MAPK9: variants seen among roughly 807,000 people sequenced by gnomAD.
MAPK9 encodes the protein mitogen-activated protein kinase 9.
MAPK9 carries 30 observed loss-of-function variants against 57.1 expected under a neutral mutation model. The ratio of observed to expected loss-of-function variants is 0.53; its 90% CI spans 0.39 to 0.71. The LOEUF (loss-of-function observed/expected upper bound fraction) is 0.71, where lower values mean the gene tolerates loss of function less well. Among genes scored for constraint, MAPK9 ranks in the 30% least tolerant of loss-of-function variants. The pLI is 0.00. For synonymous variants in MAPK9, 155 were observed against 177.0 expected (o/e 0.88, Z 0.99); for missense variants, 362 against 521.0 (o/e 0.69, Z 2.97).
At chr5:180,280,906 T>G (rs1253261035) in intron 1 of MAPK9, among the ~76,000 whole-genome samples, 1 of 152,150 alleles carries the variant, frequency 6.6e-6, no homozygotes, top group African/African-American at 2.4e-5. Context: ...ATGAAAAGAC[T>G]ACATCACTCT....
intron 2 of MAPK9, among the ~76,000 whole-genome samples, chr5:180,271,909 T>C (rs1008498400): frequency 6.6e-6 from 1 of 152,254 alleles, no homozygotes; most frequent in African/African-American, 2.4e-5. Context: ...TAATAGATTT[T>C]ATTACATTCT....
chr5:180,288,674 G>A (rs758544865), intron 1 of MAPK9, among the ~76,000 whole-genome samples: 1 of 152,104 alleles, frequency 6.6e-6, no homozygotes, highest in African/African-American at 2.4e-5. Flanking sequence ...CCACTGCTCC[G>A]AGCTACCCTA....
At chr5:180,255,137 A>C (rs1372345663) in intron 5 of MAPK9, among the ~76,000 whole-genome samples, 1 of 151,608 alleles carries the variant, frequency 6.6e-6, no homozygotes, top group Non-Finnish European at 1.5e-5. Flanking sequence ...TGTAACTAAG[A>C]ATTCTACACA....
At chr5:180,291,388 G>A (rs1334959561) in intron 1 of MAPK9, among the ~76,000 whole-genome samples, 1 of 152,216 alleles carries the variant, frequency 6.6e-6, no homozygotes, top group African/African-American at 2.4e-5. Flanking sequence ...TTCCACAGAT[G>A]CACACCGGGG....
rs186819966 is a variant in MAPK9, at chr5:180,288,317, G to A, written c.-48+3531C>T. Among the ~76,000 whole-genome samples the A allele has an allele frequency of 2.3e-3, 347 of 152,230 alleles. 1 individual carries two copies. The Middle Eastern group carries it at 0.027, about 12-fold the overall frequency. ...ACCAAGAAAACAAAGAAATAGGAGG[G>A]GGATCTATGGATTAAGAGAAACTTA... On this transcript the variant is annotated intron_variant, in intron 1 of 11. Transcript: ENST00000452135.
At chr5:180,278,957 C>CTT (rs751873959) in intron 2 of MAPK9, among the ~76,000 whole-genome samples, 74 of 139,884 alleles carry the variant, frequency 5.3e-4, no homozygotes, top group African/African-American at 1.1e-3. Flanking sequence ...AACTTTAAAA[C>CTT]TTTTTTTTTT....
At chr5:180,239,280 A>G (rs1757458296) in intron 10 of MAPK9, among the ~76,000 whole-genome samples, 1 of 152,256 alleles carries the variant, frequency 6.6e-6, no homozygotes, top group Admixed American at 6.5e-5. Flanking sequence ...CGTTGCAAGC[A>G]TTCGCTGAGG....
intron 8 of MAPK9, 117 bp downstream of exon 8, chr5:180,242,456 T>G: frequency 1.1e-6 from 1 of 917,174 alleles, no homozygotes. Flanking sequence ...TACCTCAGAC[T>G]TCAGGCCTAA....
At chr5:180,240,135 T>C (rs1229610906) in intron 9 of MAPK9, 148 bp from the exon 10 acceptor site, 5 of 627,824 alleles carry the variant, frequency 8.0e-6, no homozygotes, top group African/African-American at 1.8e-5. Flanking sequence ...AGATTTGTCA[T>C]GTGATATTAT....
At chr5:180,242,469 T>A in intron 8 of MAPK9, 104 bp downstream of exon 8, 4 of 1,094,876 alleles carry the variant, frequency 3.7e-6, no homozygotes, top group Non-Finnish European at 5.2e-6. Context: ...AGGCCTAAAA[T>A]GACTTTCTCT....
chr5:180,282,765 A>G (rs1762418423), intron 1 of MAPK9, among the ~76,000 whole-genome samples: 1 of 152,224 alleles, frequency 6.6e-6, no homozygotes, highest in South Asian at 2.1e-4. Flanking sequence ...ACTTGCAAGC[A>G]TGTACTGAGC....
chr5:180,269,557 G>T, intron 2 of MAPK9, 148 bp from the exon 3 acceptor site: 1 of 739,168 alleles, frequency 1.4e-6, no homozygotes, highest in Non-Finnish European at 2.2e-6. Context: ...CATATGAAGA[G>T]CAGAGTGAGT....
In MAPK9 at chr5:180,274,172, G is replaced by A. The variant is rs1021011459; in HGVS notation, c.123-4763C>T. ...TTCATATTGTTAGATTTTTCCTCCA[G>A]ATATGATAATTTAAAAGTTTTTATC... On this transcript the variant is annotated intron_variant, in intron 2 of 11. Coordinates refer to ENST00000452135, the MANE Select transcript of MAPK9 (RefSeq NM_002752.5). Among the ~76,000 whole-genome samples, 12 of 152,038 alleles carry A rather than the reference G, an allele frequency of 7.9e-5. No homozygotes were observed. In the Middle Eastern group the frequency reaches 0.01, roughly 129 times the overall value.
In MAPK9 at chr5:180,234,237, A is replaced by T. The variant is rs1411710232; in HGVS notation, c.*2147T>A. 2 of 152,382 alleles carry T rather than the reference A, an allele frequency of 1.3e-5. No homozygotes were observed. The highest frequency in any genetic ancestry group is 4.8e-5 in the African/African-American group (2 of 41,598). 9.4% of individuals were successfully genotyped at this position (152,382 alleles called of 1,614,324 possible). On this transcript the variant is annotated 3_prime_UTR_variant, in exon 12 of 12. Coordinates refer to ENST00000452135, the MANE Select transcript of MAPK9 (RefSeq NM_002752.5). ...GTTGAGCACATTTTTCAGTTCTTTA[A>T]CCAACATCAGCATTTATCCATAGAG... is the stretch of plus-strand genomic sequence containing the variant.
chr5:180,263,353 T>A (rs1581237194), intron 4 of MAPK9, among the ~76,000 whole-genome samples: 1 of 152,232 alleles, frequency 6.6e-6, no homozygotes, highest in East Asian at 1.9e-4. Context: ...GGACCCTCCG[T>A]CATCCCTTAA....
intron 3 of MAPK9, among the ~76,000 whole-genome samples, chr5:180,268,814 G>A (rs3111514): frequency 0.14 from 18,836 of 137,458 alleles, 1,361 homozygotes; most frequent in East Asian, 0.23. Flanking sequence ...GCGACAGAGC[G>A]AGACTCCGTC....
At chr5:180,251,090 T>G (rs1758635709) in intron 5 of MAPK9, among the ~76,000 whole-genome samples, 1 of 152,184 alleles carries the variant, frequency 6.6e-6, no homozygotes, top group Admixed American at 6.5e-5. Context: ...TGAATGCCCA[T>G]TTTTAGTCTA....
chr5:180,241,153 T>C lies in MAPK9; in HGVS notation c.874A>G (p.Ser292Gly), dbSNP rs1265190747. 6.2e-7 allele frequency: 1 copy of C among 1,611,252 alleles called. No individual in the cohort carries two copies. The highest frequency in any genetic ancestry group is 2.2e-5 in the East Asian group (1 of 44,850). ...SESERDKIKT[S>G]QARDLLSKML... ...TTTGATAACAGATCTCTGGCTTGACTTGCTAGGGTGACAACAAATATTAAA... is the reference window on the plus strand; with the variant it reads ...TTTGATAACAGATCTCTGGCTTGACCTGCTAGGGTGACAACAAATATTAAA... The change falls in exon 9 of 12, where the codon AGT (serine) becomes GGT (glycine). Residue 292 changes from serine (S) to glycine (G), a missense_variant and splice_region_variant. Transcript: ENST00000452135.
intron 1 of MAPK9, among the ~76,000 whole-genome samples, chr5:180,291,506 T>C (rs1243566289): frequency 6.6e-6 from 1 of 152,108 alleles, no homozygotes; most frequent in Non-Finnish European, 1.5e-5. Context: ...CGAGGGTCAG[T>C]GCCTTGGCCA....
Sources: gnomAD v4.1 joint callset for allele counts (sites outside exome capture counted in the v4.1 genomes callset) on GRCh38, gnomAD v4.1.1 for gene constraint, MANE v1.5 for transcripts, NCBI Gene and HGNC (gene_info 2026-07-23, HGNC 2026-07-21) for gene names.